Variants in PDE4D observed in about 807,000 individuals in gnomAD.
The protein encoded by PDE4D is phosphodiesterase 4D, also known as 3',5'-cyclic-AMP phosphodiesterase 4D.
A neutral mutation model predicts 87.4 loss-of-function variants in PDE4D; 24 were observed. The ratio of observed to expected loss-of-function variants is 0.27; its 90% CI spans 0.20 to 0.39. PDE4D has a LOEUF of 0.39. Among genes scored for constraint, PDE4D ranks in the 10% least tolerant of loss-of-function variants. The pLI is 1.00. For missense variants in PDE4D, 714 were observed against 1,041.0 expected (o/e 0.69, Z 4.32); for synonymous variants, 384 against 383.2 (o/e 1.00, Z -0.02).
chr5:59,070,223 T>C lies in PDE4D; in HGVS notation c.809-31252A>G, dbSNP rs140159578. Among the ~76,000 whole-genome samples the C allele has an allele frequency of 2.7e-3, 417 of 152,278 alleles. 3 individuals are homozygous for C. The East Asian group carries it at 0.045, about 16-fold the overall frequency. On this transcript the variant is annotated intron_variant, in intron 5 of 14. Coordinates refer to ENST00000340635, the MANE Select transcript of PDE4D (RefSeq NM_001104631.2). ...ATCTCCTTGTTTCAATTTGAACTTATTACAAGAGTGATCAATTTTTAAATT... is the reference window on the plus strand; with the variant it reads ...ATCTCCTTGTTTCAATTTGAACTTACTACAAGAGTGATCAATTTTTAAATT...
intron 1 of PDE4D, among the ~76,000 whole-genome samples, chr5:59,774,811 C>A (rs989185843): frequency 4.6e-5 from 7 of 151,864 alleles, no homozygotes; most frequent in Non-Finnish European, 7.4e-5. Context: ...CCTCAGCCTC[C>A]TGAGTAGTGA....
At chr5:59,338,740 G>A (rs1023667039) in intron 1 of PDE4D, among the ~76,000 whole-genome samples, 3 of 152,150 alleles carry the variant, frequency 2.0e-5, no homozygotes, top group East Asian at 1.9e-4. Flanking sequence ...GGGGCAGGCT[G>A]ATGGCAGAAA....
intron 1 of PDE4D, among the ~76,000 whole-genome samples, chr5:59,874,142 G>C (rs1748214273): frequency 6.6e-6 from 1 of 152,120 alleles, no homozygotes; most frequent in South Asian, 2.1e-4. Context: ...ATTCAAAGTA[G>C]CAGTGAGCCA....
chr5:59,604,072 G>A (rs988477796), intron 1 of PDE4D, among the ~76,000 whole-genome samples: 1 of 148,070 alleles, frequency 6.8e-6, no homozygotes, highest in Non-Finnish European at 1.5e-5. Flanking sequence ...TTACTTAGAT[G>A]TATATCAAGA....
chr5:60,245,099 A>C (rs1747600675), intron 1 of PDE4D, among the ~76,000 whole-genome samples: 1 of 152,162 alleles, frequency 6.6e-6, no homozygotes. Context: ...ACACTATTAA[A>C]TCTAATAATC....
intron 1 of PDE4D, among the ~76,000 whole-genome samples, chr5:60,438,117 A>C (rs1201500551): frequency 6.6e-6 from 1 of 152,172 alleles, no homozygotes; most frequent in East Asian, 1.9e-4. Context: ...GTCTGTTCTG[A>C]CATGTCAGAT....
At chr5:59,560,565 A>C (rs1284508492) in intron 1 of PDE4D, among the ~76,000 whole-genome samples, 6 of 152,180 alleles carry the variant, frequency 3.9e-5, no homozygotes, top group Non-Finnish European at 8.8e-5. Context: ...CAGTTGATTA[A>C]AACCTAGTAA....
At chr5:60,082,508 G>C (rs533219835) in intron 2 of PDE4D, among the ~76,000 whole-genome samples, 1 of 152,242 alleles carries the variant, frequency 6.6e-6, no homozygotes, top group East Asian at 1.9e-4. Context: ...TCCTCACATA[G>C]GGCCCAGCAC....
intron 1 of PDE4D, among the ~76,000 whole-genome samples, chr5:59,858,363 A>C (rs1048533896): frequency 4.6e-5 from 7 of 151,854 alleles, no homozygotes; most frequent in Admixed American, 1.3e-4. Flanking sequence ...TCTGGCCCCA[A>C]ATCCCTACTC....
chr5:59,164,967 A>G (rs1781708812), intron 5 of PDE4D: 1 of 152,118 alleles, frequency 6.6e-6, no homozygotes, highest in African/African-American at 2.4e-5. Context: ...TGTGGATCAA[A>G]TGATGAGATG....
chr5:60,158,265 T>G (rs1782165958), intron 2 of PDE4D, among the ~76,000 whole-genome samples: 1 of 152,228 alleles, frequency 6.6e-6, no homozygotes, highest in South Asian at 2.1e-4. Context: ...TTGTATAGCC[T>G]GTTTCTCCTA....
At chr5:59,824,952 A>G (rs1009995447) in intron 1 of PDE4D, among the ~76,000 whole-genome samples, 17 of 152,158 alleles carry the variant, frequency 1.1e-4, no homozygotes, top group East Asian at 3.9e-4. Context: ...CTTTGTCTCA[A>G]TTTCTGAAAG....
chr5:60,012,958 C>T (rs1765157043), intron 2 of PDE4D, among the ~76,000 whole-genome samples: 2 of 152,240 alleles, frequency 1.3e-5, no homozygotes, highest in South Asian at 4.1e-4. Flanking sequence ...ACAATGGCTC[C>T]AAACTACCAA....
At chr5:59,453,484 T>A (rs1799464613) in intron 1 of PDE4D, among the ~76,000 whole-genome samples, 1 of 152,306 alleles carries the variant, frequency 6.6e-6, no homozygotes, top group East Asian at 1.9e-4. Context: ...AGTAATATTC[T>A]TGAAGGAAAT....
intron 1 of PDE4D, among the ~76,000 whole-genome samples, chr5:60,413,700 T>C (rs1742232297): frequency 6.7e-6 from 1 of 148,482 alleles, no homozygotes; most frequent in Admixed American, 6.8e-5. Flanking sequence ...TAATTTTGAA[T>C]TTCTTTTTTC....
chr5:59,847,334 A>C (rs1340559122), intron 1 of PDE4D, among the ~76,000 whole-genome samples: 8 of 152,124 alleles, frequency 5.3e-5, no homozygotes, highest in African/African-American at 1.7e-4. Flanking sequence ...TGGATCTACA[A>C]TATTTTAAAA....
At chr5:59,814,511 GA>G (rs1317047048) in intron 1 of PDE4D, among the ~76,000 whole-genome samples, 1 of 152,164 alleles carries the variant, frequency 6.6e-6, no homozygotes, top group African/African-American at 2.4e-5. Context: ...ACCTGCCAGT[GA>G]GTCACATGCA....
At chr5:60,110,521 A>T (rs1777565593) in intron 2 of PDE4D, among the ~76,000 whole-genome samples, 1 of 152,166 alleles carries the variant, frequency 6.6e-6, no homozygotes, top group African/African-American at 2.4e-5. Flanking sequence ...GCAAAGATGC[A>T]GAGAAAAGGC....
intron 1 of PDE4D, among the ~76,000 whole-genome samples, chr5:59,749,125 C>CTCTACTG (rs1343845379): frequency 6.6e-6 from 1 of 152,214 alleles, no homozygotes; most frequent in Non-Finnish European, 1.5e-5. Context: ...AGTCCTGTAT[C>CTCTACTG]ATCACTACTC....
Sources: gnomAD v4.1 joint callset for allele counts (sites outside exome capture counted in the v4.1 genomes callset) on GRCh38, gnomAD v4.1.1 for gene constraint, MANE v1.5 for transcripts, NCBI Gene and HGNC (gene_info 2026-07-23, HGNC 2026-07-21) for gene names.